EPHA6: variants seen among roughly 807,000 people sequenced by gnomAD.
EPHA6 encodes the protein EPH receptor A6.
A neutral mutation model predicts 112.0 loss-of-function variants in EPHA6; 50 were observed. That is an observed-to-expected ratio of 0.45 (90% confidence interval 0.36 to 0.56). The LOEUF is 0.56. EPHA6 is among the 20% of genes least tolerant of loss of function. The probability of loss-of-function intolerance (pLI) is 0.00; values close to 1 mark genes in which losing one functional copy is unlikely to be tolerated. For missense variants in EPHA6, 1,280 were observed against 1,417.4 expected, an observed-to-expected ratio of 0.90 and a Z score of 1.56; for synonymous variants, 529 against 490.7, an observed-to-expected ratio of 1.08 and a Z score of -1.03.
chr3:97,405,025 T>G, intron 5 of EPHA6, 125 bp from the exon 6 acceptor site: 1 of 994,948 alleles, frequency 1.0e-6, no homozygotes, highest in Non-Finnish European at 1.5e-6. Context: ...CTTATTAATC[T>G]GCCTTCAATA....
At chr3:97,311,747 A>C (rs2081573879) in intron 5 of EPHA6, among the ~76,000 whole-genome samples, 1 of 136,830 alleles carries the variant, frequency 7.3e-6, no homozygotes, top group African/African-American at 3.1e-5. Context: ...CTTCTTTTTG[A>C]GATCTGTTTG....
At chr3:97,555,598 G>A (rs1251608865) in intron 11 of EPHA6, among the ~76,000 whole-genome samples, 1 of 152,102 alleles carries the variant, frequency 6.6e-6, no homozygotes, top group South Asian at 2.1e-4. Context: ...GTTGTTTCCT[G>A]ACTTTTTAAT....
intron 5 of EPHA6, among the ~76,000 whole-genome samples, chr3:97,293,415 C>T (rs981796988): frequency 5.3e-5 from 8 of 149,544 alleles, no homozygotes; most frequent in African/African-American, 2.0e-4. Flanking sequence ...TGGGTAGCTC[C>T]TTTCTGTTGG....
At chr3:97,642,435 A>G (rs1486396586) in intron 14 of EPHA6, among the ~76,000 whole-genome samples, 1 of 145,740 alleles carries the variant, frequency 6.9e-6, no homozygotes, top group Non-Finnish European at 1.5e-5. Flanking sequence ...ACAAAGCTGG[A>G]TGGAGAATGA....
intron 1 of EPHA6, among the ~76,000 whole-genome samples, chr3:96,840,336 T>G (rs566938379): frequency 7.2e-5 from 11 of 152,256 alleles, no homozygotes; most frequent in South Asian, 4.1e-4. Flanking sequence ...ATCTGTAATC[T>G]TGATTTACTC....
intron 2 of EPHA6, among the ~76,000 whole-genome samples, chr3:96,975,309 A>T (rs919165976): frequency 1.3e-5 from 2 of 152,068 alleles, no homozygotes; most frequent in Non-Finnish European, 2.9e-5. Flanking sequence ...ATATCTAATA[A>T]TTGGCTAGCA....
chr3:96,846,190 A>T (rs1005145931), intron 1 of EPHA6, among the ~76,000 whole-genome samples: 1 of 151,986 alleles, frequency 6.6e-6, no homozygotes, highest in African/African-American at 2.4e-5. Flanking sequence ...CCCTAATGTA[A>T]ACTGTATTTT....
chr3:97,082,452 C>T (rs1344620609), intron 3 of EPHA6, among the ~76,000 whole-genome samples: 2 of 151,782 alleles, frequency 1.3e-5, no homozygotes, highest in South Asian at 2.1e-4. Flanking sequence ...TTAAATTACC[C>T]TTTATCTATT....
chr3:97,419,059 C>T (rs1346085746), intron 6 of EPHA6, among the ~76,000 whole-genome samples: 3 of 152,138 alleles, frequency 2.0e-5, no homozygotes, highest in Non-Finnish European at 4.4e-5. Context: ...AATCCCAGCA[C>T]TTTGGCAAGC....
At chr3:96,870,643 A>T (rs570358034) in intron 2 of EPHA6, among the ~76,000 whole-genome samples, 1 of 152,268 alleles carries the variant, frequency 6.6e-6, no homozygotes, top group South Asian at 2.1e-4. Context: ...TAGGAAAATA[A>T]ACATGTCATT....
At chr3:97,592,506 C>T (rs1488657168) in intron 11 of EPHA6, 106 bp from the exon 12 acceptor site, 19 of 1,317,752 alleles carry the variant, frequency 1.4e-5, no homozygotes, top group South Asian at 7.9e-5. Flanking sequence ...ATAACTTCTT[C>T]GTAAAATTTG....
intron 11 of EPHA6, among the ~76,000 whole-genome samples, chr3:97,543,062 G>C (rs903557069): frequency 4.9e-4 from 75 of 152,140 alleles, no homozygotes; most frequent in Non-Finnish European, 2.5e-4. Context: ...TCAGTCTAAT[G>C]GTAGTTTCTT....
chr3:97,719,923 T>C (rs2034450966), intron 14 of EPHA6, among the ~76,000 whole-genome samples: 1 of 152,182 alleles, frequency 6.6e-6, no homozygotes, highest in Non-Finnish European at 1.5e-5. Context: ...TGTTGAACGA[T>C]ATTTAGTTTT....
At chr3:96,979,234 G>A (rs1457638922) in intron 2 of EPHA6, among the ~76,000 whole-genome samples, 1 of 124,426 alleles carries the variant, frequency 8.0e-6, no homozygotes, top group Non-Finnish European at 1.6e-5. Context: ...ACAGGCCCCG[G>A]TGTGTGATGT....
chr3:96,911,197 TATC>T (rs2039196374), intron 2 of EPHA6, among the ~76,000 whole-genome samples: 1 of 152,060 alleles, frequency 6.6e-6, no homozygotes, highest in Non-Finnish European at 1.5e-5. Flanking sequence ...GAGCATATAT[TATC>T]ATCAGAAAAA....
intron 2 of EPHA6, among the ~76,000 whole-genome samples, chr3:96,939,422 A>T (rs1239809955): frequency 6.6e-6 from 1 of 152,180 alleles, no homozygotes; most frequent in East Asian, 1.9e-4. Context: ...CTCTGATGGT[A>T]GTTTGTATTT....
At chr3:97,190,082 A>C (rs562646642) in intron 3 of EPHA6, among the ~76,000 whole-genome samples, 2 of 152,082 alleles carry the variant, frequency 1.3e-5, no homozygotes, top group African/African-American at 4.8e-5. Flanking sequence ...TACAGTAGGC[A>C]GGGTCAGTAG....
chr3:97,614,501 ATTTTTTT>A (rs35126699), intron 13 of EPHA6, among the ~76,000 whole-genome samples: 213 of 98,244 alleles, frequency 2.2e-3, no homozygotes, highest in Middle Eastern at 0.017. Context: ...CACCCAGCTA[ATTTTTTT>A]TTTTTTTTTT....
At chr3:96,816,355 T>C (rs1057122297) in intron 1 of EPHA6, among the ~76,000 whole-genome samples, 1 of 152,122 alleles carries the variant, frequency 6.6e-6, no homozygotes, top group Non-Finnish European at 1.5e-5. Context: ...ATAATAGATA[T>C]CAGTTACAGT....
Sources: gnomAD v4.1 joint callset for allele counts (sites outside exome capture counted in the v4.1 genomes callset) on GRCh38, gnomAD v4.1.1 for gene constraint, MANE v1.5 for transcripts, NCBI Gene and HGNC (gene_info 2026-07-23, HGNC 2026-07-21) for gene names.